ABCC11: variants seen among roughly 807,000 people sequenced by gnomAD.
The protein encoded by ABCC11 is ATP-binding cassette sub-family C member 11.
A neutral mutation model predicts 149.3 loss-of-function variants in ABCC11; 135 were observed. The observed-to-expected ratio is 0.90, with a 90% CI of 0.79 to 1.04. The LOEUF is 1.04. ABCC11 is among the 50% of genes least tolerant of loss of function. The probability of loss-of-function intolerance (pLI) is 0.00; values close to 1 mark genes in which losing one functional copy is unlikely to be tolerated. For missense variants in ABCC11, 1,680 were observed against 1,722.1 expected (o/e 0.98, Z 0.43); for synonymous variants, 665 against 671.4 (o/e 0.99, Z 0.15).
At chr16:48,185,365 T>C (rs1966692549) in intron 22 of ABCC11, among the ~76,000 whole-genome samples, 1 of 152,214 alleles carries the variant, frequency 6.6e-6, no homozygotes, top group Non-Finnish European at 1.5e-5. Context: ...TTAAGCTAGT[T>C]TGCATTAGTT....
At chr16:48,224,236 C>T (rs767725963) in intron 5 of ABCC11, 46 bp downstream of exon 5, 1 of 1,594,616 alleles carries the variant, frequency 6.3e-7, no homozygotes, top group Admixed American at 1.8e-5. Flanking sequence ...ATCGCTAAAC[C>T]TCTGAAGCCT....
In ABCC11 at chr16:48,247,386, C is replaced by T. The variant is rs1322951417; in HGVS notation, c.-91G>A. ...CTTTCTCTTGTTTCCTTTGCGCTAT[C>T]CAGGTGACGCTGGCACAGCCTTCAA... On this transcript the variant is annotated 5_prime_UTR_variant, in exon 1 of 30. Transcript: ENST00000356608. The T allele has an allele frequency of 6.6e-6, 1 of 152,534 alleles. No homozygotes were observed. The highest frequency in any genetic ancestry group is 1.5e-5 in the Non-Finnish European group (1 of 68,228). The allele number at this position is 152,534 out of a possible 1,614,324, so 9.4% of individuals were successfully genotyped here.
chr16:48,236,994 T>C (rs1187121979), intron 1 of ABCC11, among the ~76,000 whole-genome samples: 1 of 152,214 alleles, frequency 6.6e-6, no homozygotes, highest in African/African-American at 2.4e-5. Flanking sequence ...CTCAAGGTCA[T>C]CACCGAGGTC....
At chr16:48,236,667 A>C (rs535300944) in intron 1 of ABCC11, among the ~76,000 whole-genome samples, 1 of 152,326 alleles carries the variant, frequency 6.6e-6, no homozygotes, top group East Asian at 1.9e-4. Context: ...GTCACGAAAG[A>C]CTTCACATTT....
At chr16:48,242,411 G>A (rs1323747034) in intron 1 of ABCC11, among the ~76,000 whole-genome samples, 1 of 152,142 alleles carries the variant, frequency 6.6e-6, no homozygotes, top group African/African-American at 2.4e-5. Flanking sequence ...TGCTGGAGAG[G>A]ATGTGGAGAA....
chr16:48,234,149 C>T (rs146808023), intron 1 of ABCC11, among the ~76,000 whole-genome samples: 13 of 152,202 alleles, frequency 8.5e-5, no homozygotes, highest in East Asian at 7.7e-4. Context: ...CCATCATGGC[C>T]GATTTCGTGA....
intron 5 of ABCC11, 67 bp downstream of exon 5, chr16:48,224,215 C>A: frequency 4.6e-6 from 7 of 1,535,788 alleles, no homozygotes; most frequent in Non-Finnish European, 6.2e-6. Flanking sequence ...CTTGAACATG[C>A]CCGCAGTTCC....
chr16:48,227,525 A>G (rs1443073742), intron 4 of ABCC11, among the ~76,000 whole-genome samples: 1 of 152,004 alleles, frequency 6.6e-6, no homozygotes, highest in Non-Finnish European at 1.5e-5. Context: ...AATGAAAAAT[A>G]ACTTTCTTGG....
intron 6 of ABCC11, among the ~76,000 whole-genome samples, chr16:48,221,155 C>T (rs1969709142): frequency 6.6e-6 from 1 of 151,986 alleles, no homozygotes; most frequent in Non-Finnish European, 1.5e-5. Flanking sequence ...GGAAGTCAAG[C>T]TAGGGCTAGA....
At chr16:48,233,038 A>G (rs1250121426) in intron 1 of ABCC11, among the ~76,000 whole-genome samples, 1 of 152,074 alleles carries the variant, frequency 6.6e-6, no homozygotes, top group East Asian at 1.9e-4. Context: ...TGTCTCTACC[A>G]AAAATATAAA....
intron 2 of ABCC11, 84 bp downstream of exon 2, chr16:48,231,739 A>C (rs1412397431): frequency 9.1e-6 from 14 of 1,541,550 alleles, no homozygotes; most frequent in Non-Finnish European, 1.2e-5. Flanking sequence ...GTATGGGAAG[A>C]AATTGTTTGA....
chr16:48,239,433 A>G (rs58938063), intron 1 of ABCC11, among the ~76,000 whole-genome samples: 19,848 of 151,612 alleles, frequency 0.13, 1,615 homozygotes, highest in African/African-American at 0.23. Flanking sequence ...GTGGTGGCAG[A>G]TGCCTGTAGT....
intron 10 of ABCC11, among the ~76,000 whole-genome samples, chr16:48,211,750 G>C (rs1215699647): frequency 6.6e-6 from 1 of 152,152 alleles, no homozygotes; most frequent in Admixed American, 6.5e-5. Flanking sequence ...ACTGGGGAAA[G>C]GTCATTTGGG....
intron 7 of ABCC11, 100 bp downstream of exon 7, chr16:48,216,014 G>C (rs1217698207): frequency 2.3e-6 from 3 of 1,295,634 alleles, no homozygotes; most frequent in East Asian, 4.6e-5. Context: ...GGATTGAAAG[G>C]TCAACAAGAA....
At chr16:48,212,168 T>A (rs1364473259) in intron 10 of ABCC11, among the ~76,000 whole-genome samples, 1 of 152,190 alleles carries the variant, frequency 6.6e-6, no homozygotes, top group Non-Finnish European at 1.5e-5. Context: ...AAGCACTGTT[T>A]GTGTTACTCA....
Position 48,167,083 on chromosome 16 carries a change from G to T in ABCC11, c.*191C>A, listed in dbSNP as rs777292388. On this transcript the variant is annotated 3_prime_UTR_variant, in exon 30 of 30. Coordinates refer to ENST00000356608, the MANE Select transcript of ABCC11 (RefSeq NM_001370497.1). ...GTCTTAGATGGTTCTGGGGTTCTAA[G>T]GTCTTGAGAGCCATCAAGTAGCCTA... The T allele has an allele frequency of 2.9e-5, 17 of 593,084 alleles. No homozygotes were observed. In the South Asian group the frequency reaches 3.2e-4, roughly 11 times the overall value. 36.7% of individuals were successfully genotyped at this position (593,084 alleles called of 1,614,324 possible). A position where few individuals can be genotyped will look rare whatever the true frequency, so the allele number is the denominator to read the frequency against.
At chr16:48,218,631 C>T (rs773816587) in intron 6 of ABCC11, among the ~76,000 whole-genome samples, 2 of 152,194 alleles carry the variant, frequency 1.3e-5, no homozygotes, top group Non-Finnish European at 2.9e-5. Flanking sequence ...GTAGCTCCCA[C>T]AATCACCATA....
At position 48,197,888 on chromosome 16, in the gene ABCC11, TG is replaced by T. The variant is rs375842659; in HGVS notation, c.2314+82del. 1.4e-4 allele frequency: 204 copies of T among 1,441,244 alleles called. 1 individual carries two copies. Among genetic ancestry groups the T allele is most frequent in the Admixed American group, 7.3e-4 (42 of 57,588 alleles). The allele number at this position is 1,441,244 out of a possible 1,614,324, so 89.3% of individuals were successfully genotyped here. On this transcript the variant is annotated intron_variant, in intron 17 of 29. Transcript: ENST00000356608. ...AGACACTGAGGGACATGGCCCAGTC[TG>T]GGGTCAAGGAGGAAACACTGGGACC...
At chr16:48,215,848 T>C (rs1418891311) in intron 7 of ABCC11, among the ~76,000 whole-genome samples, 3 of 152,216 alleles carry the variant, frequency 2.0e-5, no homozygotes, top group African/African-American at 7.2e-5. Flanking sequence ...GCACAGAGAT[T>C]ATCTACAAAG....
Sources: allele counts gnomAD v4.1 joint callset (sites outside exome capture counted in the v4.1 genomes callset), GRCh38; gene constraint gnomAD v4.1.1; transcripts MANE v1.5; gene names NCBI Gene and HGNC (gene_info 2026-07-23, HGNC 2026-07-21).